Variants in PIEZO2 observed in about 807,000 individuals in gnomAD.
PIEZO2 encodes piezo type mechanosensitive ion channel component 2.
A neutral mutation model predicts 337.3 loss-of-function variants in PIEZO2; 172 were observed. The ratio of observed to expected loss-of-function variants is 0.51; its 90% CI spans 0.45 to 0.58. The LOEUF (loss-of-function observed/expected upper bound fraction) is 0.58. Among genes scored for constraint, PIEZO2 ranks in the 20% least tolerant of loss-of-function variants. PIEZO2 has a pLI of 0.00. For missense variants in PIEZO2, 3,028 were observed against 3,391.3 expected, an observed-to-expected ratio of 0.89 and a Z score of 2.66; for synonymous variants, 1,251 against 1,228.5, an observed-to-expected ratio of 1.02 and a Z score of -0.38.
chr18:10,820,878 T>G (rs933143935), intron 7 of PIEZO2, among the ~76,000 whole-genome samples: 1 of 152,094 alleles, frequency 6.6e-6, no homozygotes, highest in African/African-American at 2.4e-5. Flanking sequence ...CCCAGTAGAG[T>G]AGAAGAATTC....
At chr18:11,108,311 A>C (rs565843829) in intron 1 of PIEZO2, among the ~76,000 whole-genome samples, 1 of 152,314 alleles carries the variant, frequency 6.6e-6, no homozygotes, top group Non-Finnish European at 1.5e-5. Context: ...GTTAAATGTA[A>C]CATGTGTAAG....
chr18:10,752,941 GAA>G, intron 27 of PIEZO2, 62 bp from the exon 28 acceptor site: 1 of 1,490,956 alleles, frequency 6.7e-7, no homozygotes, highest in Non-Finnish European at 8.9e-7. Context: ...GCAAAATCAG[GAA>G]AGTCTTTAAC....
intron 2 of PIEZO2, among the ~76,000 whole-genome samples, chr18:11,061,129 A>G (rs1387487461): frequency 6.6e-6 from 1 of 152,256 alleles, no homozygotes; most frequent in African/African-American, 2.4e-5. Context: ...GTAATCCAGC[A>G]TATAAACAGA....
rs113394816 is a variant in PIEZO2, at chr18:10,962,485, G to C, written c.286+17050C>G. ...GGCTCGCTCCTTGCTCCTTGGTGTA[G>C]AGTTCATGGCCAAGCTTCCTCCAGT... On this transcript the variant is annotated intron_variant, in intron 3 of 55. Transcript: ENST00000674853. This position sits in a 1 kb window ranked among gnomAD's most constrained non-coding sequence, Gnocchi z 4.1. Among the ~76,000 whole-genome samples, 117 of 152,282 alleles carry C rather than the reference G, an allele frequency of 7.7e-4. 1 individual carries two copies. Among genetic ancestry groups the C allele is most frequent in the African/African-American group, 2.6e-3 (110 of 41,550 alleles).
At chr18:11,066,796 C>A (rs537545424) in intron 1 of PIEZO2, among the ~76,000 whole-genome samples, 2 of 152,178 alleles carry the variant, frequency 1.3e-5, no homozygotes, top group Non-Finnish European at 2.9e-5. Context: ...GACGGGGTTT[C>A]GCCATGTTGG....
rs951730556 is a variant in PIEZO2 at position 10,899,207 on chromosome 18, C to G, written c.329+11979G>C. Reference sequence around the variant, plus strand: ...CTCCACTGACCTGGGAATGAAACAACCAAGCTATGGAAGTCATACAATACT... The same window carrying G: ...CTCCACTGACCTGGGAATGAAACAAGCAAGCTATGGAAGTCATACAATACT... On this transcript the variant is annotated intron_variant, in intron 4 of 55. Transcript: ENST00000674853. The surrounding 1 kb of genome is among the most constrained non-coding windows in gnomAD (Gnocchi z 4.6). Among the ~76,000 whole-genome samples, 1 of 152,156 alleles carries G rather than the reference C, an allele frequency of 6.6e-6. No homozygotes were observed. The highest frequency in any genetic ancestry group is 1.5e-5 in the Non-Finnish European group (1 of 68,022).
rs370068099 is a variant in PIEZO2, at chr18:11,072,225, T to A, written c.65-6003A>T. Among the ~76,000 whole-genome samples the A allele has an allele frequency of 5.9e-5, 9 of 152,232 alleles. No homozygotes were observed. In the East Asian group the frequency reaches 1.7e-3, roughly 29 times the overall value. On this transcript the variant is annotated intron_variant, in intron 1 of 55. Coordinates refer to ENST00000674853, the MANE Select transcript of PIEZO2 (RefSeq NM_001378183.1). ...ACCCATTACTGTATCTGCTCCAGAGTAGGGGATCCATGCTTACAAAATGAA... is the reference window on the plus strand; with the variant it reads ...ACCCATTACTGTATCTGCTCCAGAGAAGGGGATCCATGCTTACAAAATGAA...
Position 10,789,216 on chromosome 18 carries a change from G to A in PIEZO2, c.2032C>T (p.Leu678=), listed in dbSNP as rs999773875. ...TACTTGATGAACATGGCCACCACCA[G>A]ATTGCCCAGGACTTTCATGATGTCC... The part of the protein sequence containing the change: ...EQDIMKVLGN[L]VVAMFIKYWI... Residue 678 remains leucine, a synonymous_variant, in exon 15 of 56, where the codon CTG becomes TTG. Transcript: ENST00000674853. The A allele has an allele frequency of 2.1e-5, 33 of 1,537,180 alleles. No homozygotes were observed. The highest frequency in any genetic ancestry group is 2.8e-5 in the Non-Finnish European group (32 of 1,146,926).
intron 38 of PIEZO2, among the ~76,000 whole-genome samples, chr18:10,715,441 G>C (rs1480966259): frequency 1.3e-5 from 2 of 152,020 alleles, no homozygotes; most frequent in African/African-American, 4.8e-5. Context: ...ATTCTGTGAC[G>C]TGTGTGTGTG....
Position 10,969,564 on chromosome 18 carries a change from CAAATCCAAATGG to C in PIEZO2, c.286+9959_286+9970del, listed in dbSNP as rs1432896874. 6.6e-6 allele frequency among the ~76,000 whole-genome samples: 1 copy of C among 152,024 alleles called. No homozygotes were observed. Among genetic ancestry groups the C allele is most frequent in the Non-Finnish European group, 1.5e-5 (1 of 68,022 alleles). The stretch of plus-strand genomic sequence containing the variant: ...TTATGGTTTTCTGTCTTAATTTTCC[CAAATCCAAATGG>C]AAATCCAAATTTTTTTTTGCGAAGG... On this transcript the variant is annotated intron_variant, in intron 3 of 55. Transcript: ENST00000674853. This position sits in a 1 kb window ranked among gnomAD's most constrained non-coding sequence, Gnocchi z 4.5.
At position 10,689,748 on chromosome 18, in the gene PIEZO2, C is replaced by T. The variant is rs4419118; in HGVS notation, c.7404G>A (p.Trp2468Ter). Residue 2468 changes from tryptophan to a stop codon, truncating the protein, a stop_gained, in exon 49 of 56, where the codon TGG becomes TGA. Coordinates refer to ENST00000674853, the MANE Select transcript of PIEZO2 (RefSeq NM_001378183.1). LOFTEE classifies it high-confidence loss of function. ...TGGACAGGCTCAAAGTTGTGTCCGT[C>T]CACACCCAGTCCATCACTGCCCTCA... ...TELRAVMDWV[W>*]TDTTLSLSSW... The T allele has an allele frequency of 6.2e-7, 1 of 1,614,178 alleles. No individual in the cohort carries two copies. Among genetic ancestry groups the T allele is most frequent in the Non-Finnish European group, 8.5e-7 (1 of 1,180,020 alleles).
chr18:10,744,366 C>T (rs2037343176), intron 30 of PIEZO2, 135 bp from the exon 31 acceptor site: 1 of 619,356 alleles, frequency 1.6e-6, no homozygotes, highest in Non-Finnish European at 2.8e-6. Flanking sequence ...TGGCTGGGAG[C>T]AGGAGTCAAC....
chr18:11,023,138 G>A (rs2036376884), intron 2 of PIEZO2, among the ~76,000 whole-genome samples: 2 of 152,164 alleles, frequency 1.3e-5, no homozygotes, highest in African/African-American at 4.8e-5. Flanking sequence ...TTACTGCAAA[G>A]AGTGAAAGAA....
At chr18:10,696,023 A>G (rs188951734) in intron 47 of PIEZO2, 51 bp downstream of exon 47, 1 of 1,532,522 alleles carries the variant, frequency 6.5e-7, no homozygotes, top group Non-Finnish European at 9.0e-7. Context: ...CACCTCAGGA[A>G]ACACAGTTGC....
intron 2 of PIEZO2, among the ~76,000 whole-genome samples, chr18:11,000,900 A>G (rs1413520626): frequency 1.3e-5 from 2 of 152,104 alleles, no homozygotes; most frequent in East Asian, 3.9e-4. Context: ...AGCCCTCCAG[A>G]ACTGTCTAGA....
In PIEZO2 at chr18:11,102,400, T is replaced by C. The variant is rs1464607495; in HGVS notation, c.65-36178A>G. ...TACAAAGTAGAATGGTCTCCTCCTG[T>C]CAGTGGGCAAAACCCTGATCTGATT... is the stretch of plus-strand genomic sequence containing the variant. On this transcript the variant is annotated intron_variant, in intron 1 of 55. Coordinates refer to ENST00000674853, the MANE Select transcript of PIEZO2 (RefSeq NM_001378183.1). This position sits in a 1 kb window ranked among gnomAD's most constrained non-coding sequence, Gnocchi z 5.7. 2.6e-5 allele frequency among the ~76,000 whole-genome samples: 4 copies of C among 152,176 alleles called. No homozygotes were observed. Among genetic ancestry groups the C allele is most frequent in the Non-Finnish European group, 5.9e-5 (4 of 68,038 alleles).
intron 2 of PIEZO2, among the ~76,000 whole-genome samples, chr18:11,055,775 C>G (rs750094185): frequency 1.5e-4 from 23 of 152,306 alleles, no homozygotes; most frequent in Non-Finnish European, 3.1e-4. Flanking sequence ...AAGTCAGTTG[C>G]AGGCTGGGCC....
Position 11,096,241 on chromosome 18 carries a change from G to T in PIEZO2, c.65-30019C>A, listed in dbSNP as rs372801893. 2.0e-5 allele frequency among the ~76,000 whole-genome samples: 3 copies of T among 152,346 alleles called. No individual in the cohort carries two copies. ...CCATGAGAAGGACCACGTGCCCTTT[G>T]CCAGACCAAGCCTGTCCACCCAATG... is the stretch of plus-strand genomic sequence containing the variant. On this transcript the variant is annotated intron_variant, in intron 1 of 55. Coordinates refer to ENST00000674853, the MANE Select transcript of PIEZO2 (RefSeq NM_001378183.1). The surrounding 1 kb of genome is among the most constrained non-coding windows in gnomAD (Gnocchi z 4.6).
At chr18:11,134,535 T>G (rs796575474) in intron 1 of PIEZO2, among the ~76,000 whole-genome samples, 1 of 152,150 alleles carries the variant, frequency 6.6e-6, no homozygotes, top group African/African-American at 2.4e-5. Flanking sequence ...CAAAATACAC[T>G]CTTTTTATTG....
Sources: gnomAD v4.1 joint callset for allele counts (sites outside exome capture counted in the v4.1 genomes callset) on GRCh38, gnomAD v4.1.1 for gene constraint, Gnocchi (gnomAD v3.1) non-coding constraint, MANE v1.5 for transcripts, NCBI Gene and HGNC (gene_info 2026-07-23, HGNC 2026-07-21) for gene names.